Variants in CELF2 observed in about 807,000 individuals in gnomAD.
CELF2 encodes the protein CUGBP Elav-like family member 2.
A neutral mutation model predicts 62.6 loss-of-function variants in CELF2; 8 were observed. That is an observed-to-expected ratio of 0.13 (90% CI 0.07 to 0.23). The LOEUF is 0.23. Ranked by LOEUF, CELF2 falls within the 10% of genes least tolerant of loss-of-function variation. The pLI, the probability that CELF2 is intolerant of heterozygous loss-of-function variation, is 1.00. For missense variants in CELF2, 333 were observed against 671.0 expected, an observed-to-expected ratio of 0.50 and a Z score of 5.56; for synonymous variants, 258 against 250.0, an observed-to-expected ratio of 1.03 and a Z score of -0.30.
Position 11,008,864 on chromosome 10 carries a change from ATCT to A in CELF2, c.53+3429_53+3431del, listed in dbSNP as rs1414196529. On this transcript the variant is annotated intron_variant, in intron 1 of 12. Coordinates refer to the CELF2 transcript ENST00000416382. The surrounding 1 kb of genome is among the most constrained non-coding windows in gnomAD (Gnocchi z 4.5). ...AGAATGCAGTTTGTTTTGTGGCATC[ATCT>A]TCTTTGTGGCATTGATCTGTACTTT... Among the ~76,000 whole-genome samples, 1 of 152,120 alleles carries A rather than the reference ATCT, an allele frequency of 6.6e-6. No homozygotes were observed. Among genetic ancestry groups the A allele is most frequent in the Non-Finnish European group, 1.5e-5 (1 of 68,026 alleles).
At chr10:10,613,336 A>C in the CELF2 span, among the ~76,000 whole-genome samples, 1 of 152,202 alleles carries the variant, frequency 6.6e-6, no homozygotes, top group African/African-American at 2.4e-5. Flanking sequence ...TTTACATATA[A>C]TATCCATGCA....
At chr10:11,215,138 C>T (rs1370682969) in intron 2 of CELF2, among the ~76,000 whole-genome samples, 3 of 152,196 alleles carry the variant, frequency 2.0e-5, no homozygotes, top group Non-Finnish European at 2.9e-5. Flanking sequence ...CCTCAAGGGT[C>T]ATGTTTTAGT....
chr10:10,859,201 T>TA (rs2059920674), intron 1 of CELF2, among the ~76,000 whole-genome samples: 2 of 152,262 alleles, frequency 1.3e-5, no homozygotes, highest in South Asian at 4.1e-4. Context: ...CATTAAACAA[T>TA]AAAAAACAAA....
chr10:11,182,982 T>A (rs549832255), intron 2 of CELF2, among the ~76,000 whole-genome samples: 1 of 152,216 alleles, frequency 6.6e-6, no homozygotes, highest in African/African-American at 2.4e-5. Context: ...GGAGACATAA[T>A]TGATATGCGG....
At chr10:10,700,022 G>A in the CELF2 span, among the ~76,000 whole-genome samples, 4 of 152,094 alleles carry the variant, frequency 2.6e-5, no homozygotes, top group African/African-American at 9.7e-5. Flanking sequence ...CTTAACCTGA[G>A]AATTTCACCC....
intron 1 of CELF2, among the ~76,000 whole-genome samples, chr10:11,160,829 T>A (rs548165313): frequency 6.6e-6 from 1 of 152,356 alleles, no homozygotes; most frequent in Non-Finnish European, 1.5e-5. Flanking sequence ...TTATAGCCAT[T>A]TGGCAATTCT....
chr10:10,736,941 G>C, the CELF2 span, among the ~76,000 whole-genome samples: 1 of 152,102 alleles, frequency 6.6e-6, no homozygotes, highest in African/African-American at 2.4e-5. Context: ...TAATCTCACA[G>C]AAAATTACTC....
At chr10:10,614,429 T>A in the CELF2 span, among the ~76,000 whole-genome samples, 1 of 152,190 alleles carries the variant, frequency 6.6e-6, no homozygotes, top group Admixed American at 6.5e-5. Context: ...CAGTTCTCCA[T>A]AGGAGTTGTT....
chr10:11,128,259 T>C (rs1246473388), intron 1 of CELF2, among the ~76,000 whole-genome samples: 1 of 152,230 alleles, frequency 6.6e-6, no homozygotes, highest in African/African-American at 2.4e-5. Context: ...TTGGTACCAG[T>C]ACCATGCTGT....
the CELF2 span, among the ~76,000 whole-genome samples, chr10:10,651,184 A>T: frequency 1.6e-5 from 2 of 121,570 alleles, no homozygotes; most frequent in African/African-American, 6.0e-5. Context: ...ACGGCGCACC[A>T]CGAGATTATA....
At position 10,928,911 on chromosome 10, in the gene CELF2, G is replaced by A. The variant is rs2065803985; in HGVS notation, c.89+8912G>A. Among the ~76,000 whole-genome samples the A allele has an allele frequency of 6.6e-6, 1 of 152,172 alleles. No homozygotes were observed. Among genetic ancestry groups the A allele is most frequent in the South Asian group, 2.1e-4 (1 of 4,832 alleles). ...GGCACGAATAAATATTTGCATAAGT[G>A]TTTGACCGTCTGAATAGATGTTTAA... is the stretch of plus-strand genomic sequence containing the variant. On this transcript the variant is annotated intron_variant, in intron 2 of 13. Coordinates refer to the CELF2 transcript ENST00000636488. This position sits in a 1 kb window ranked among gnomAD's most constrained non-coding sequence, Gnocchi z 4.8.
chr10:10,910,662 T>C lies in CELF2; in HGVS notation c.54-9302T>C, dbSNP rs2063724983. On this transcript the variant is annotated intron_variant, in intron 1 of 13. Coordinates refer to the CELF2 transcript ENST00000636488. ...TTGTAGTGAGCCGAGATCGTGCCAC[T>C]GCACTCTAACCTGGACTACAGAGTG... is the stretch of plus-strand genomic sequence containing the variant. Among the ~76,000 whole-genome samples, 3 of 126,870 alleles carry C rather than the reference T, an allele frequency of 2.4e-5. No individual in the cohort carries two copies. In the South Asian group the frequency reaches 7.6e-4, roughly 32 times the overall value. The allele number at this position is 126,870 out of a possible 152,430, so 83.2% of individuals were successfully genotyped here.
chr10:11,301,954 C>T (rs2093799482), intron 9 of CELF2, among the ~76,000 whole-genome samples: 3 of 152,154 alleles, frequency 2.0e-5, no homozygotes, highest in East Asian at 1.9e-4. Context: ...CCAGGTCAGC[C>T]GCCTCCGCCT....
chr10:11,028,422 C>CT (rs5742072), intron 1 of CELF2, among the ~76,000 whole-genome samples: 61 of 135,762 alleles, frequency 4.5e-4, no homozygotes, highest in African/African-American at 1.6e-3. Context: ...TTTTCTTTTT[C>CT]TTTTTTTTTT....
the CELF2 span, among the ~76,000 whole-genome samples, chr10:10,674,431 G>A: frequency 6.6e-6 from 1 of 152,114 alleles, no homozygotes; most frequent in East Asian, 1.9e-4. Context: ...TGAGATTCTT[G>A]TAGAAAACAT....
At chr10:11,262,606 A>G (rs1161422933) in intron 5 of CELF2, among the ~76,000 whole-genome samples, 2 of 152,168 alleles carry the variant, frequency 1.3e-5, no homozygotes, top group Non-Finnish European at 2.9e-5. Context: ...GCATGCCATA[A>G]ATGAGTGATG....
chr10:10,868,085 C>G (rs1265714695), intron 1 of CELF2, among the ~76,000 whole-genome samples: 2 of 152,156 alleles, frequency 1.3e-5, no homozygotes, highest in Non-Finnish European at 2.9e-5. Context: ...ATTCCTAGAT[C>G]AGTGTTTTGG....
At chr10:11,148,016 G>A (rs1181902962) in intron 1 of CELF2, among the ~76,000 whole-genome samples, 1 of 152,232 alleles carries the variant, frequency 6.6e-6, no homozygotes, top group African/African-American at 2.4e-5. Flanking sequence ...ATGTAAGATA[G>A]ATTTTACATT....
the CELF2 span, among the ~76,000 whole-genome samples, chr10:10,613,427 G>A: frequency 6.6e-6 from 1 of 152,196 alleles, no homozygotes; most frequent in Non-Finnish European, 1.5e-5. Context: ...ACAGTGGAAT[G>A]TTATCTCATT....
Sources: allele counts gnomAD v4.1 joint callset (sites outside exome capture counted in the v4.1 genomes callset), GRCh38; gene constraint gnomAD v4.1.1; non-coding constraint Gnocchi (gnomAD v3.1); transcripts MANE v1.5; gene names NCBI Gene and HGNC (gene_info 2026-07-23, HGNC 2026-07-21).